YES1: variants seen among roughly 807,000 people sequenced by gnomAD.
The protein encoded by YES1 is YES proto-oncogene 1, Src family tyrosine kinase.
In YES1, 39 loss-of-function variants were observed where a neutral mutation model predicts 70.4. The observed-to-expected ratio is 0.55, with a 90% confidence interval of 0.43 to 0.72. The LOEUF is 0.72. Ranked by LOEUF, YES1 falls within the 30% of genes least tolerant of loss-of-function variation. The pLI, the probability that YES1 is intolerant of heterozygous loss-of-function variation, is 0.00. For missense variants in YES1, 495 were observed against 644.8 expected (o/e 0.77, Z 2.52); for synonymous variants, 198 against 218.6 (o/e 0.91, Z 0.83).
chr18:768,204 T>C (rs1240826799), intron 1 of YES1, among the ~76,000 whole-genome samples: 1 of 152,220 alleles, frequency 6.6e-6, no homozygotes, highest in Non-Finnish European at 1.5e-5. Context: ...AAGCAGGCAG[T>C]TGGCTTGCTA....
At chr18:776,459 T>C (rs1189573389) in intron 1 of YES1, among the ~76,000 whole-genome samples, 1 of 152,172 alleles carries the variant, frequency 6.6e-6, no homozygotes, top group Non-Finnish European at 1.5e-5. Flanking sequence ...CCTTTACATA[T>C]GTTTACCGGA....
At chr18:744,862 G>A (rs997807073) in intron 6 of YES1, among the ~76,000 whole-genome samples, 1 of 151,866 alleles carries the variant, frequency 6.6e-6, no homozygotes, top group Admixed American at 6.6e-5. Flanking sequence ...CACAAAGTCA[G>A]GGAACCCTAG....
chr18:789,439 C>T (rs1215128949), intron 1 of YES1, among the ~76,000 whole-genome samples: 1 of 151,920 alleles, frequency 6.6e-6, no homozygotes, highest in African/African-American at 2.4e-5. Context: ...AAAAATTAGC[C>T]AAGTGTGGTA....
At position 723,540 on chromosome 18, in the gene YES1, A is replaced by G. The variant is rs1326760585; in HGVS notation, c.*884T>C. 1 of 152,660 alleles carries G rather than the reference A, an allele frequency of 6.6e-6. No homozygotes were observed. Among genetic ancestry groups the G allele is most frequent in the Admixed American group, 6.5e-5 (1 of 15,288 alleles). 9.5% of individuals were successfully genotyped at this position (152,660 alleles called of 1,614,324 possible). The stretch of plus-strand genomic sequence containing the variant: ...ATAAGGACATATAAGCAATACTCAC[A>G]GTACGAAGTCTAGTTTTTAAAAAGG... On this transcript the variant is annotated 3_prime_UTR_variant, in exon 12 of 12. Coordinates refer to ENST00000314574, the MANE Select transcript of YES1 (RefSeq NM_005433.4).
chr18:754,134 T>C (rs1192722962), intron 2 of YES1, among the ~76,000 whole-genome samples: 1 of 152,134 alleles, frequency 6.6e-6, no homozygotes, highest in African/African-American at 2.4e-5. Flanking sequence ...CAAAAGAAAA[T>C]TCAATCAAAT....
intron 2 of YES1, among the ~76,000 whole-genome samples, chr18:752,445 C>T (rs754774858): frequency 6.6e-6 from 1 of 152,056 alleles, no homozygotes; most frequent in Non-Finnish European, 1.5e-5. Flanking sequence ...AGCAACATCT[C>T]AGGCTTGGAA....
chr18:734,097 G>A (rs995464106), intron 10 of YES1, among the ~76,000 whole-genome samples: 15 of 151,810 alleles, frequency 9.9e-5, no homozygotes, highest in African/African-American at 2.9e-4. Context: ...TGGCCAACAC[G>A]GTGAAACCCT....
chr18:785,398 G>A (rs981016593), intron 1 of YES1, among the ~76,000 whole-genome samples: 4 of 152,168 alleles, frequency 2.6e-5, no homozygotes, highest in Admixed American at 6.5e-5. Flanking sequence ...AGCTTCTGAA[G>A]TATAATACTG....
At chr18:807,915 T>C (rs1259971315) in intron 1 of YES1, among the ~76,000 whole-genome samples, 1 of 152,060 alleles carries the variant, frequency 6.6e-6, no homozygotes, top group East Asian at 1.9e-4. Context: ...TGAAATGAAG[T>C]ATAATGCTTC....
At chr18:804,251 G>T (rs552263512) in intron 1 of YES1, among the ~76,000 whole-genome samples, 57 of 152,260 alleles carry the variant, frequency 3.7e-4, no homozygotes, top group Non-Finnish European at 6.2e-4. Context: ...ACGATTACTT[G>T]TTAACTGACA....
intron 1 of YES1, among the ~76,000 whole-genome samples, chr18:785,497 T>C (rs1169776782): frequency 6.6e-6 from 1 of 152,132 alleles, no homozygotes; most frequent in African/African-American, 2.4e-5. Flanking sequence ...AGAAGCACTA[T>C]AAAAGGTCTG....
intron 1 of YES1, among the ~76,000 whole-genome samples, chr18:805,907 CTT>C (rs1473106042): frequency 6.6e-6 from 1 of 152,140 alleles, no homozygotes; most frequent in Non-Finnish European, 1.5e-5. Context: ...TGAAAATCCT[CTT>C]AAGTCAGTTG....
chr18:795,912 A>AACACACACAC lies in YES1; in HGVS notation c.-9+16192_-9+16201dup, dbSNP rs72204539. Among the ~76,000 whole-genome samples the AACACACACAC allele has an allele frequency of 6.7e-3, 963 of 144,680 alleles. 6 individuals are homozygous for AACACACACAC. The highest frequency in any genetic ancestry group is 0.017 in the African/African-American group (667 of 38,932). 94.9% of individuals were successfully genotyped at this position (144,680 alleles called of 152,430 possible). A position where few individuals can be genotyped will look rare whatever the true frequency, so the allele number is the denominator to read the frequency against. On this transcript the variant is annotated intron_variant, in intron 1 of 11. Transcript: ENST00000314574. ...TTCAGCACATGTATCCCAGAACTTAAACACACACACACACACACACACACA... is the reference window on the plus strand; with the variant it reads ...TTCAGCACATGTATCCCAGAACTTAAACACACACACACACACACACACACACACACACACA...
intron 1 of YES1, among the ~76,000 whole-genome samples, chr18:803,506 C>T (rs1238385357): frequency 6.6e-6 from 1 of 152,138 alleles, no homozygotes; most frequent in Non-Finnish European, 1.5e-5. Flanking sequence ...GTTTATTACC[C>T]CCAATCTTTT....
chr18:789,415 T>C (rs1906126524), intron 1 of YES1, among the ~76,000 whole-genome samples: 1 of 151,798 alleles, frequency 6.6e-6, no homozygotes, highest in African/African-American at 2.4e-5. Context: ...GAATCCTGTC[T>C]CTACAGAAAA....
chr18:754,176 T>C (rs958474702), intron 2 of YES1, among the ~76,000 whole-genome samples: 4 of 152,288 alleles, frequency 2.6e-5, no homozygotes, highest in South Asian at 4.1e-4. Context: ...AGTTTCTTCC[T>C]AGCTTTGAAT....
At chr18:793,344 AATT>A (rs1906373145) in intron 1 of YES1, among the ~76,000 whole-genome samples, 1 of 151,212 alleles carries the variant, frequency 6.6e-6, no homozygotes, top group Non-Finnish European at 1.5e-5. Flanking sequence ...TGGCCATTAT[AATT>A]ATTACCTGAA....
At chr18:765,055 A>C (rs551077889) in intron 1 of YES1, among the ~76,000 whole-genome samples, 1 of 151,494 alleles carries the variant, frequency 6.6e-6, no homozygotes, top group Non-Finnish European at 1.5e-5. Flanking sequence ...TTTAAAGATA[A>C]CAGAACTCTC....
chr18:802,123 G>A (rs769306047), intron 1 of YES1, among the ~76,000 whole-genome samples: 2 of 152,204 alleles, frequency 1.3e-5, no homozygotes, highest in African/African-American at 4.8e-5. Context: ...TAGGGTGGGT[G>A]TAGTGGCTCA....
Sources: allele counts gnomAD v4.1 joint callset (sites outside exome capture counted in the v4.1 genomes callset), GRCh38; gene constraint gnomAD v4.1.1; transcripts MANE v1.5; gene names NCBI Gene and HGNC (gene_info 2026-07-23, HGNC 2026-07-21).